FZD3: variants seen among roughly 807,000 people sequenced by gnomAD.
The protein encoded by FZD3 is frizzled-3.
FZD3 carries 30 observed loss-of-function variants against 60.7 expected under a neutral mutation model. The observed-to-expected ratio is 0.49, with a 90% CI of 0.37 to 0.67. FZD3 has a LOEUF of 0.67. Among genes scored for constraint, FZD3 ranks in the 30% least tolerant of loss-of-function variants. The pLI is 0.00. For missense variants in FZD3, 605 were observed against 838.7 expected, an observed-to-expected ratio of 0.72 and a Z score of 3.44; for synonymous variants, 246 against 275.2, an observed-to-expected ratio of 0.89 and a Z score of 1.05.
chr8:28,522,104 CTTTT>C (rs1159167662), intron 4 of FZD3, among the ~76,000 whole-genome samples: 3 of 140,416 alleles, frequency 2.1e-5, no homozygotes, highest in African/African-American at 8.0e-5. Flanking sequence ...TTTCTCTTCT[CTTTT>C]TTTTTTTTTT....
intron 5 of FZD3, among the ~76,000 whole-genome samples, chr8:28,532,409 A>G (rs1004754349): frequency 6.6e-6 from 1 of 152,278 alleles, no homozygotes; most frequent in Admixed American, 6.5e-5. Flanking sequence ...TTGATGGTGT[A>G]CAGGCATGCC....
At chr8:28,523,880 G>A (rs1274567772) in intron 4 of FZD3, among the ~76,000 whole-genome samples, 2 of 152,140 alleles carry the variant, frequency 1.3e-5, no homozygotes, top group Admixed American at 6.6e-5. Context: ...ATAGATTAAT[G>A]CCATTATCTC....
chr8:28,499,301 TTTTA>T (rs1803928843), intron 1 of FZD3, among the ~76,000 whole-genome samples: 1 of 152,244 alleles, frequency 6.6e-6, no homozygotes, highest in Non-Finnish European at 1.5e-5. Context: ...AAATTTTATT[TTTTA>T]TTTATTGTTA....
In FZD3 at chr8:28,502,967, A is replaced by G. The variant is rs576202401; in HGVS notation, c.-47A>G. 34 of 1,279,894 alleles carry G rather than the reference A, an allele frequency of 2.7e-5. No homozygotes were observed. In the East Asian group the frequency reaches 6.2e-4, roughly 23 times the overall value. 79.3% of individuals were successfully genotyped at this position (1,279,894 alleles called of 1,614,324 possible). On this transcript the variant is annotated 5_prime_UTR_variant, in exon 3 of 8. Transcript: ENST00000240093. Reference sequence around the variant, plus strand: ...GCAGGTGTATAAATATCTAAAATACATATTGAATAGGCCTGATCATCTGAA... The same window carrying G: ...GCAGGTGTATAAATATCTAAAATACGTATTGAATAGGCCTGATCATCTGAA...
chr8:28,568,762 A>G lies in FZD3; in HGVS notation c.*5751A>G, dbSNP rs1348224187. The G allele has an allele frequency of 1.3e-5, 2 of 152,156 alleles. No individual in the cohort carries two copies. The highest frequency in any genetic ancestry group is 2.4e-5 in the African/African-American group (1 of 41,468). 9.4% of individuals were successfully genotyped at this position (152,156 alleles called of 1,614,324 possible). A position where few individuals can be genotyped will look rare whatever the true frequency, so the allele number is the denominator to read the frequency against. ...CAAACCACTGCATTACTTACTTCCT[A>G]TAAGACACAGTAGTTCAATCTGTTG... On this transcript the variant is annotated 3_prime_UTR_variant, in exon 8 of 8. Transcript: ENST00000240093.
chr8:28,528,130 G>T lies in FZD3; in HGVS notation c.1370G>T (p.Arg457Leu). 1 of 1,613,444 alleles carries T rather than the reference G, an allele frequency of 6.2e-7. No individual in the cohort carries two copies. Among genetic ancestry groups the T allele is most frequent in the South Asian group, 1.1e-5 (1 of 91,018 alleles). The change falls in exon 5 of 8, where the codon CGC becomes CTC. Residue 457 changes from arginine (R) to leucine (L), a missense_variant. By Grantham distance (102) the Arg-to-Leu change is moderately radical (BLOSUM62 -2). Coordinates refer to ENST00000240093, the MANE Select transcript of FZD3 (RefSeq NM_017412.4). ...GIWETTWIQERCREYHIPCPY... is the reference protein window; with the variant it reads ...GIWETTWIQELCREYHIPCPY... ...TGGGAAACAACGTGGATACAAGAAC[G>T]CTGCAGAGAATATCACATTCCATGT...
chr8:28,523,987 C>G (rs1359898216), intron 4 of FZD3, among the ~76,000 whole-genome samples: 1 of 152,102 alleles, frequency 6.6e-6, no homozygotes, highest in Non-Finnish European at 1.5e-5. Context: ...TCCCTTTTGC[C>G]ATGGGTTGAT....
chr8:28,569,286 T>C lies in FZD3; in HGVS notation c.*6275T>C, dbSNP rs1377618389. On this transcript the variant is annotated 3_prime_UTR_variant, in exon 8 of 8. Transcript: ENST00000240093. ...TAAATTGGCAGGATTTTTTTAATGA[T>C]TAGTAAAACTGTATTATTTTATTTT... 1 of 151,956 alleles carries C rather than the reference T, an allele frequency of 6.6e-6. No individual in the cohort carries two copies. The highest frequency in any genetic ancestry group is 1.9e-4 in the East Asian group (1 of 5,198). The allele number at this position is 151,956 out of a possible 1,614,324, so 9.4% of individuals were successfully genotyped here. A position where few individuals can be genotyped will look rare whatever the true frequency, so the allele number is the denominator to read the frequency against.
intron 5 of FZD3, among the ~76,000 whole-genome samples, chr8:28,543,539 C>A: frequency 6.6e-6 from 1 of 152,102 alleles, no homozygotes; most frequent in East Asian, 1.9e-4. Context: ...TGCCACCACG[C>A]CTGGCTAATT....
chr8:28,551,503 C>T, intron 5 of FZD3, 100 bp from the exon 6 acceptor site: 2 of 934,648 alleles, frequency 2.1e-6, no homozygotes, highest in South Asian at 3.0e-5. Flanking sequence ...GTGACAAGAA[C>T]AAAACTCTGT....
intron 5 of FZD3, among the ~76,000 whole-genome samples, chr8:28,544,098 G>A (rs1166648730): frequency 2.0e-5 from 3 of 151,562 alleles, no homozygotes; most frequent in South Asian, 2.1e-4. Flanking sequence ...AAATAAAATC[G>A]GATAAAATAT....
At chr8:28,530,248 C>T (rs1382291113) in intron 5 of FZD3, among the ~76,000 whole-genome samples, 1 of 151,832 alleles carries the variant, frequency 6.6e-6, no homozygotes, top group Non-Finnish European at 1.5e-5. Context: ...GAGTAGGAGT[C>T]CTAGCTTCTT....
chr8:28,519,793 A>C (rs545497384), intron 3 of FZD3, among the ~76,000 whole-genome samples: 3 of 151,272 alleles, frequency 2.0e-5, no homozygotes, highest in Non-Finnish European at 4.4e-5. Context: ...CCCCGCCCTC[A>C]ATGCCTAAAT....
chr8:28,567,906 T>C lies in FZD3; in HGVS notation c.*4895T>C. The C allele has an allele frequency of 6.6e-6, 1 of 152,212 alleles. No individual in the cohort carries two copies. Among genetic ancestry groups the C allele is most frequent in the Middle Eastern group, 3.4e-3 (1 of 294 alleles). 9.4% of individuals were successfully genotyped at this position (152,212 alleles called of 1,614,324 possible). A position where few individuals can be genotyped will look rare whatever the true frequency, so the allele number is the denominator to read the frequency against. ...GCTTGACTTAAATTATAAAAAAAAA[T>C]ATATATGAAGAAGAATGTAGACCCT... On this transcript the variant is annotated 3_prime_UTR_variant, in exon 8 of 8. Transcript: ENST00000240093.
At chr8:28,559,208 T>G (rs1276177406) in intron 7 of FZD3, among the ~76,000 whole-genome samples, 6 of 152,134 alleles carry the variant, frequency 3.9e-5, no homozygotes, top group African/African-American at 1.4e-4. Flanking sequence ...CAATCATCAA[T>G]ATAAGGTAGT....
chr8:28,514,009 T>C (rs1474183023), intron 3 of FZD3, among the ~76,000 whole-genome samples: 1 of 152,202 alleles, frequency 6.6e-6, no homozygotes. Context: ...TTGGTTGATT[T>C]GAATTTGAAC....
At chr8:28,504,356 G>A (rs1349654118) in intron 3 of FZD3, among the ~76,000 whole-genome samples, 1 of 152,122 alleles carries the variant, frequency 6.6e-6, no homozygotes, top group Non-Finnish European at 1.5e-5. Flanking sequence ...AATGGGTATT[G>A]GTTTAATACA....
At chr8:28,533,663 T>C (rs773683337) in intron 5 of FZD3, among the ~76,000 whole-genome samples, 8 of 152,178 alleles carry the variant, frequency 5.3e-5, no homozygotes, top group Non-Finnish European at 1.0e-4. Context: ...TGGGTTTTTG[T>C]TCTTCACAGA....
At chr8:28,545,786 T>C (rs2130444887) in intron 5 of FZD3, among the ~76,000 whole-genome samples, 1 of 152,324 alleles carries the variant, frequency 6.6e-6, no homozygotes, top group Admixed American at 6.5e-5. Flanking sequence ...ACAGTGCATA[T>C]TGGTATATTA....
Sources: allele counts gnomAD v4.1 joint callset (sites outside exome capture counted in the v4.1 genomes callset), GRCh38; gene constraint gnomAD v4.1.1; transcripts MANE v1.5; gene names NCBI Gene and HGNC (gene_info 2026-07-23, HGNC 2026-07-21).